The following UBR2 variants were observed in gnomAD, a reference collection of about 807,000 sequenced individuals.
UBR2 encodes ubiquitin protein ligase E3 component n-recognin 2.
UBR2 carries 92 observed loss-of-function variants against 247.9 expected under a neutral mutation model. The ratio of observed to expected loss-of-function variants is 0.37; its 90% confidence interval spans 0.31 to 0.44. UBR2 has a LOEUF of 0.44. Ranked by LOEUF, UBR2 falls within the 20% of genes least tolerant of loss-of-function variation. UBR2 has a pLI of 1.00. For synonymous variants in UBR2, 672 were observed against 693.5 expected (o/e 0.97, Z 0.49); for missense variants, 1,613 against 2,112.6 (o/e 0.76, Z 4.64).
At chr6:42,625,983 T>G (rs1044746994) in intron 11 of UBR2, among the ~76,000 whole-genome samples, 2 of 151,870 alleles carry the variant, frequency 1.3e-5, no homozygotes, top group Non-Finnish European at 2.9e-5. Context: ...CTGGCTATTT[T>G]TTTTGTATTT....
At position 42,689,442 on chromosome 6, in the gene UBR2, T is replaced by C; in HGVS notation, c.5025-127T>C. ...ATTTCCTAGTTTGTGCACAATTTTTTAATGGATAACTTCCTCCTAATAGTG... is the reference window on the plus strand; with the variant it reads ...ATTTCCTAGTTTGTGCACAATTTTTCAATGGATAACTTCCTCCTAATAGTG... On this transcript the variant is annotated intron_variant, in intron 45 of 46. Coordinates refer to ENST00000372901, the MANE Select transcript of UBR2 (RefSeq NM_001363705.2). The surrounding 1 kb of genome is among the most constrained non-coding windows in gnomAD (Gnocchi z 4.0). The C allele has an allele frequency of 1.1e-6, 1 of 933,134 alleles. No individual in the cohort carries two copies. Among genetic ancestry groups the C allele is most frequent in the Middle Eastern group, 2.5e-4 (1 of 4,038 alleles). 57.8% of individuals were successfully genotyped at this position (933,134 alleles called of 1,614,324 possible).
intron 4 of UBR2, among the ~76,000 whole-genome samples, chr6:42,599,773 C>A (rs1331148144): frequency 6.6e-6 from 1 of 152,086 alleles, no homozygotes; most frequent in South Asian, 2.1e-4. Flanking sequence ...CCTTCAGCCT[C>A]CCCAGTAGCT....
At chr6:42,566,472 C>A (rs1177563496) in intron 1 of UBR2, among the ~76,000 whole-genome samples, 1 of 152,166 alleles carries the variant, frequency 6.6e-6, no homozygotes, top group African/African-American at 2.4e-5. Context: ...GCAACCTCCG[C>A]CTCCGGGGTT....
At chr6:42,668,559 C>T (rs1414619790) in intron 34 of UBR2, among the ~76,000 whole-genome samples, 1 of 152,136 alleles carries the variant, frequency 6.6e-6, no homozygotes, top group Non-Finnish European at 1.5e-5. Context: ...CCTGTCTCAG[C>T]CTCCCAAGTA....
At chr6:42,672,688 C>T (rs1307435127) in intron 36 of UBR2, among the ~76,000 whole-genome samples, 8 of 152,112 alleles carry the variant, frequency 5.3e-5, no homozygotes, top group African/African-American at 1.9e-4. Flanking sequence ...GTACCCTAAG[C>T]AGACTGCTAC....
intron 11 of UBR2, among the ~76,000 whole-genome samples, chr6:42,625,837 G>C (rs1411758642): frequency 6.8e-6 from 1 of 147,276 alleles, no homozygotes; most frequent in South Asian, 2.1e-4. Flanking sequence ...TTTTTGAGGC[G>C]GAGTCTCGCT....
intron 32 of UBR2, among the ~76,000 whole-genome samples, chr6:42,663,629 A>C (rs2151977430): frequency 6.6e-6 from 1 of 152,330 alleles, no homozygotes; most frequent in Admixed American, 6.5e-5. Context: ...TTTCTAAGCT[A>C]TTAAATTCCT....
At chr6:42,574,262 A>G (rs1013631292) in intron 2 of UBR2, among the ~76,000 whole-genome samples, 1 of 152,154 alleles carries the variant, frequency 6.6e-6, no homozygotes, top group African/African-American at 2.4e-5. Flanking sequence ...TCTTGCAATA[A>G]TCACTTTCTT....
At chr6:42,669,727 G>A (rs965488243) in intron 34 of UBR2, among the ~76,000 whole-genome samples, 1 of 152,150 alleles carries the variant, frequency 6.6e-6, no homozygotes, top group Non-Finnish European at 1.5e-5. Context: ...GGTGACCCCC[G>A]AATGTCTGTG....
At chr6:42,601,102 A>G (rs2151925165) in intron 4 of UBR2, among the ~76,000 whole-genome samples, 1 of 152,340 alleles carries the variant, frequency 6.6e-6, no homozygotes, top group Middle Eastern at 3.4e-3. Context: ...TTAAAGTTTT[A>G]TAAACCCTGT....
chr6:42,569,794 T>C (rs998860157), intron 1 of UBR2, among the ~76,000 whole-genome samples: 3 of 152,228 alleles, frequency 2.0e-5, no homozygotes, highest in African/African-American at 7.2e-5. Context: ...TTGTACTTGC[T>C]TTCTATCCCA....
At position 42,648,109 on chromosome 6, in the gene UBR2, T is replaced by G. The variant is rs763622211; in HGVS notation, c.2410-9T>G. The G allele has an allele frequency of 6.2e-7, 1 of 1,612,966 alleles. No individual in the cohort carries two copies. On this transcript the variant is annotated splice_polypyrimidine_tract_variant and intron_variant, in intron 21 of 46. Coordinates refer to ENST00000372901, the MANE Select transcript of UBR2 (RefSeq NM_001363705.2). Reference sequence around the variant, plus strand: ...TAACATGAAACACACTTGTGTCCTGTACCTTTAGGAGAACAAGGAGACTGG... The same window carrying G: ...TAACATGAAACACACTTGTGTCCTGGACCTTTAGGAGAACAAGGAGACTGG...
intron 4 of UBR2, 30 bp downstream of exon 4, chr6:42,594,334 A>G (rs763381643): frequency 1.3e-6 from 2 of 1,559,898 alleles, no homozygotes; most frequent in East Asian, 4.5e-5. Context: ...GTTGTTTTTA[A>G]CCCAAGTTTG....
intron 8 of UBR2, among the ~76,000 whole-genome samples, chr6:42,612,587 A>C (rs1794163281): frequency 1.3e-5 from 2 of 152,176 alleles, no homozygotes; most frequent in African/African-American, 4.8e-5. Flanking sequence ...TGTACATTTC[A>C]CAAACAATTT....
Position 42,641,681 on chromosome 6 carries a change from C to G in UBR2, c.2020C>G (p.Leu674Val), listed in dbSNP as rs1246302646. The change falls in exon 17 of 47, where the codon CTA (leucine) becomes GTA (valine). Residue 674 changes from leucine (L) to valine (V), a missense_variant. Physicochemically the swap from Leu to Val is conservative, Grantham distance 32. Around this residue, in one of 3 missense-constraint regions of UBR2, gnomAD observed 1,524 missense variants for 1,967.3 expected, o/e 0.77. Coordinates refer to ENST00000372901, the MANE Select transcript of UBR2 (RefSeq NM_001363705.2). ...AGMWRRNGFS[L>V]VNQIYYYHNV... ...AATGTGGAGAAGAAATGGGTTCTCT[C>G]TAGTAAACCAGGTAAGTGTTTTCTA... 6 of 1,608,946 alleles carry G rather than the reference C, an allele frequency of 3.7e-6. No homozygotes were observed. The highest frequency in any genetic ancestry group is 5.1e-6 in the Non-Finnish European group (6 of 1,177,796).
At chr6:42,629,423 G>C (rs1179643097) in intron 11 of UBR2, among the ~76,000 whole-genome samples, 1 of 152,142 alleles carries the variant, frequency 6.6e-6, no homozygotes, top group African/African-American at 2.4e-5. Flanking sequence ...GGAGGCCGAG[G>C]CAGGCAGATC....
chr6:42,602,759 T>C (rs1562299240), intron 4 of UBR2, among the ~76,000 whole-genome samples: 2 of 119,892 alleles, frequency 1.7e-5, no homozygotes, highest in African/African-American at 6.5e-5. Flanking sequence ...ATGCTGTGTG[T>C]GCGTGTGTGT....
intron 4 of UBR2, among the ~76,000 whole-genome samples, chr6:42,596,685 A>G (rs2151921190): frequency 6.6e-6 from 1 of 152,362 alleles, no homozygotes; most frequent in East Asian, 1.9e-4. Flanking sequence ...ATGCTACAAC[A>G]TGCATGAACC....
chr6:42,671,410 TAAA>T (rs56409458), intron 36 of UBR2, among the ~76,000 whole-genome samples: 2 of 145,616 alleles, frequency 1.4e-5, no homozygotes, highest in Admixed American at 6.9e-5. Flanking sequence ...ATCCTATCTT[TAAA>T]AAAAAAAAAA....
Sources: allele counts gnomAD v4.1 joint callset (sites outside exome capture counted in the v4.1 genomes callset), GRCh38; gene constraint gnomAD v4.1.1; regional missense constraint gnomAD v4.1.1; non-coding constraint Gnocchi (gnomAD v3.1); transcripts MANE v1.5; gene names NCBI Gene and HGNC (gene_info 2026-07-23, HGNC 2026-07-21).